NAALADL2: variants seen among roughly 807,000 people sequenced by gnomAD.
NAALADL2 encodes N-acetylated alpha-linked acidic dipeptidase like 2, also known as inactive N-acetylated-alpha-linked acidic dipeptidase-like protein 2.
NAALADL2 carries 76 observed loss-of-function variants against 87.2 expected under a neutral mutation model. The observed-to-expected ratio is 0.87, with a 90% CI of 0.72 to 1.05. The LOEUF is 1.05. Ranked by LOEUF, NAALADL2 falls within the 50% of genes least tolerant of loss-of-function variation. The pLI, the probability that NAALADL2 is intolerant of heterozygous loss-of-function variation, is 0.00. For synonymous variants in NAALADL2, 354 were observed against 331.0 expected, an observed-to-expected ratio of 1.07 and a Z score of -0.75; for missense variants, 1,089 against 945.8, an observed-to-expected ratio of 1.15 and a Z score of -1.99.
At chr3:174,890,007 G>T (rs1006390148) in intron 1 of NAALADL2, among the ~76,000 whole-genome samples, 3 of 152,140 alleles carry the variant, frequency 2.0e-5, no homozygotes, top group Non-Finnish European at 4.4e-5. Context: ...GTTCGCTGTA[G>T]TACGCTACAT....
At chr3:174,571,428 GTGTA>G (rs1714909207) in intron 2 of NAALADL2, among the ~76,000 whole-genome samples, 1 of 152,082 alleles carries the variant, frequency 6.6e-6, no homozygotes, top group African/African-American at 2.4e-5. Context: ...CCAGGCTGGA[GTGTA>G]ATGGCGTGAT....
At chr3:175,126,103 A>C (rs935794568) in intron 2 of NAALADL2, among the ~76,000 whole-genome samples, 1 of 152,108 alleles carries the variant, frequency 6.6e-6, no homozygotes, top group African/African-American at 2.4e-5. Context: ...TAGCAAAGTG[A>C]GTGTATGTGT....
rs1734687544 is a variant in NAALADL2, at chr3:174,750,223, GCA to G, written c.-9+12478_-9+12479del. Among the ~76,000 whole-genome samples the G allele has an allele frequency of 1.1e-4, 17 of 152,218 alleles. No homozygotes were observed. The South Asian group carries it at 3.3e-3, about 30-fold the overall frequency. On this transcript the variant is annotated intron_variant, in intron 3 of 3. Coordinates refer to the NAALADL2 transcript ENST00000434257. ...AAAAGATAAGAATGGGCACTATATA[GCA>G]GTAAGAGATCTTTAGCAATTCTAAA... is the stretch of plus-strand genomic sequence containing the variant.
chr3:175,680,860 A>G (rs1735493848), intron 11 of NAALADL2, among the ~76,000 whole-genome samples: 1 of 152,158 alleles, frequency 6.6e-6, no homozygotes, highest in South Asian at 2.1e-4. Context: ...CACGCCTGTA[A>G]TCCAAGCACT....
chr3:175,137,269 A>G (rs1431054820), intron 2 of NAALADL2, among the ~76,000 whole-genome samples: 3 of 152,264 alleles, frequency 2.0e-5, no homozygotes, highest in Admixed American at 2.0e-4. Flanking sequence ...CCTTTGCACA[A>G]GGATGTATAA....
At position 175,665,355 on chromosome 3, in the gene NAALADL2, G is replaced by A. The variant is rs547415248; in HGVS notation, c.1896+37969G>A. ...ATGGCTTCAGACCAACCAACTTTTC[G>A]GGATTTCAAATATAAAAATTTCCAA... On this transcript the variant is annotated intron_variant, in intron 11 of 13. Coordinates refer to ENST00000454872, the MANE Select transcript of NAALADL2 (RefSeq NM_207015.3). Among the ~76,000 whole-genome samples the A allele has an allele frequency of 1.1e-4, 16 of 152,034 alleles. No individual in the cohort carries two copies. The East Asian group carries it at 2.5e-3, about 24-fold the overall frequency.
chr3:175,024,180 A>T (rs1751926297), intron 1 of NAALADL2, among the ~76,000 whole-genome samples: 1 of 152,038 alleles, frequency 6.6e-6, no homozygotes, highest in Non-Finnish European at 1.5e-5. Flanking sequence ...ACCACGGGAC[A>T]CTTTATATAT....
At chr3:174,680,674 T>A (rs1727453156) in intron 2 of NAALADL2, among the ~76,000 whole-genome samples, 1 of 152,184 alleles carries the variant, frequency 6.6e-6, no homozygotes, top group Non-Finnish European at 1.5e-5. Context: ...ACTACGACAG[T>A]CTTTGCTTTT....
intron 4 of NAALADL2, among the ~76,000 whole-genome samples, chr3:175,311,565 T>C (rs1404217213): frequency 6.6e-6 from 1 of 152,084 alleles, no homozygotes; most frequent in Non-Finnish European, 1.5e-5. Flanking sequence ...GTATATCTTA[T>C]GAAACAGGAA....
chr3:174,526,453 C>A (rs1462302302), intron 1 of NAALADL2, among the ~76,000 whole-genome samples: 1 of 152,086 alleles, frequency 6.6e-6, no homozygotes, highest in Non-Finnish European at 1.5e-5. Flanking sequence ...TAAAGAATTG[C>A]TTTGACTAGT....
At chr3:174,711,084 A>G (rs563453633) in intron 2 of NAALADL2, among the ~76,000 whole-genome samples, 2 of 152,250 alleles carry the variant, frequency 1.3e-5, no homozygotes, top group South Asian at 2.1e-4. Flanking sequence ...TCTCATGTCT[A>G]TGTCCCCATG....
chr3:174,847,989 TCTAA>T (rs1479484030), intron 3 of NAALADL2, among the ~76,000 whole-genome samples: 1 of 151,506 alleles, frequency 6.6e-6, no homozygotes, highest in African/African-American at 2.4e-5. Context: ...ATCTAAGTAT[TCTAA>T]CTCTTTTCTC....
intron 3 of NAALADL2, among the ~76,000 whole-genome samples, chr3:174,770,389 AT>A (rs1334273982): frequency 6.6e-6 from 1 of 152,144 alleles, no homozygotes; most frequent in Admixed American, 6.6e-5. Context: ...CCTGAATTCT[AT>A]TTTTTGGTGA....
intron 11 of NAALADL2, among the ~76,000 whole-genome samples, chr3:175,632,779 T>C (rs554256228): frequency 6.6e-6 from 1 of 152,224 alleles, no homozygotes; most frequent in South Asian, 2.1e-4. Flanking sequence ...CCTAGTCAGA[T>C]ACATCAAGGA....
intron 9 of NAALADL2, among the ~76,000 whole-genome samples, chr3:175,490,880 C>T (rs2149343816): frequency 6.6e-6 from 1 of 152,100 alleles, no homozygotes; most frequent in East Asian, 1.9e-4. Context: ...TAATTATTAC[C>T]TTATAGTTAG....
intron 1 of NAALADL2, among the ~76,000 whole-genome samples, chr3:174,904,149 T>G (rs9290524): frequency 0.35 from 53,261 of 151,388 alleles, 9,971 homozygotes; most frequent in African/African-American, 0.48. Context: ...ATGCAACATA[T>G]ACAATCCACC....
rs555445536 is a variant in NAALADL2 at position 175,303,323 on chromosome 3, C to G, written c.940-20852C>G. On this transcript the variant is annotated intron_variant, in intron 4 of 13. Coordinates refer to ENST00000454872, the MANE Select transcript of NAALADL2 (RefSeq NM_207015.3). The stretch of plus-strand genomic sequence containing the variant: ...AGACAGATATTCAATAAATGGTGGT[C>G]ATTTCCAAGGATAAAACCTTGTATT... Among the ~76,000 whole-genome samples the G allele has an allele frequency of 5.9e-5, 9 of 152,136 alleles. No individual in the cohort carries two copies. The South Asian group carries it at 1.9e-3, about 32-fold the overall frequency.
intron 1 of NAALADL2, among the ~76,000 whole-genome samples, chr3:174,979,327 AC>A (rs1297203058): frequency 1.1e-5 from 1 of 93,132 alleles, no homozygotes; most frequent in Non-Finnish European, 1.8e-5. Flanking sequence ...TTTTTTTGAG[AC>A]GGAGTCTCGC....
intron 13 of NAALADL2, among the ~76,000 whole-genome samples, chr3:175,801,419 A>G (rs1485878748): frequency 6.6e-6 from 1 of 152,014 alleles, no homozygotes; most frequent in African/African-American, 2.4e-5. Flanking sequence ...GTCTGGCCCT[A>G]TACTCTGATC....
Sources: gnomAD v4.1 joint callset for allele counts (sites outside exome capture counted in the v4.1 genomes callset) on GRCh38, gnomAD v4.1.1 for gene constraint, MANE v1.5 for transcripts, NCBI Gene and HGNC (gene_info 2026-07-23, HGNC 2026-07-21) for gene names.